PDE8B: variants seen among roughly 807,000 people sequenced by gnomAD.
PDE8B encodes high affinity cAMP-specific and IBMX-insensitive 3',5'-cyclic phosphodiesterase 8B.
Under a neutral mutation model 101.3 loss-of-function variants are expected in PDE8B, and 26 were observed. The ratio of observed to expected loss-of-function variants is 0.26; its 90% CI spans 0.19 to 0.36. The LOEUF is 0.36. PDE8B is among the 10% of genes least tolerant of loss of function. The pLI, the probability that PDE8B is intolerant of heterozygous loss-of-function variation, is 1.00. For synonymous variants in PDE8B, 424 were observed against 429.3 expected (o/e 0.99, Z 0.15); for missense variants, 810 against 1,163.1 (o/e 0.70, Z 4.42).
At chr5:77,147,023 GA>G in the PDE8B span, 1 of 460,174 alleles carries the variant, frequency 2.2e-6, no homozygotes, top group Admixed American at 2.5e-5. Context: ...CTGTGAAGCT[GA>G]AGGAAAAATA....
chr5:77,171,798 G>A, the PDE8B span, among the ~76,000 whole-genome samples: 3 of 152,186 alleles, frequency 2.0e-5, no homozygotes, highest in African/African-American at 7.2e-5. Context: ...CTTCTGGGTT[G>A]CCGCGGAGGG....
At chr5:77,276,807 C>A (rs1267622923) in intron 1 of PDE8B, among the ~76,000 whole-genome samples, 2 of 152,204 alleles carry the variant, frequency 1.3e-5, no homozygotes, top group Non-Finnish European at 2.9e-5. Flanking sequence ...CAGCACATCT[C>A]AGATAGAAGC....
At chr5:77,387,596 T>A (rs544420016) in intron 10 of PDE8B, among the ~76,000 whole-genome samples, 1 of 152,204 alleles carries the variant, frequency 6.6e-6, no homozygotes. Flanking sequence ...GTGTTCTCTG[T>A]AATTCCTGAA....
the PDE8B span, chr5:77,140,483 C>T: frequency 1.3e-5 from 2 of 152,370 alleles, no homozygotes; most frequent in Non-Finnish European, 1.5e-5. Context: ...GTGACATTAG[C>T]CCCTACTTAC....
chr5:77,279,016 C>T (rs13167306), intron 1 of PDE8B, among the ~76,000 whole-genome samples: 55,843 of 151,968 alleles, frequency 0.37, 10,720 homozygotes, highest in South Asian at 0.5. Context: ...TGAATATACA[C>T]CACCTTAGGA....
At chr5:77,385,811 T>TC (rs1788461935) in intron 10 of PDE8B, among the ~76,000 whole-genome samples, 1 of 149,762 alleles carries the variant, frequency 6.7e-6, no homozygotes, top group African/African-American at 2.5e-5. Context: ...TTTTTTTTTT[T>TC]TTTTGAGATG....
intron 1 of PDE8B, among the ~76,000 whole-genome samples, chr5:77,239,798 C>CATTCTTGTAATAACCCAGGCTT (rs1387722106): frequency 2.2e-4 from 33 of 152,220 alleles, no homozygotes; most frequent in African/African-American, 7.5e-4. Flanking sequence ...TCAGAGCTTT[C>CATTCTTGTAATAACCCAGGCTT]ATTCTTGTAA....
At chr5:77,218,194 A>C (rs11953611) in intron 1 of PDE8B, among the ~76,000 whole-genome samples, 49,957 of 152,140 alleles carry the variant, frequency 0.33, 8,904 homozygotes, top group East Asian at 0.81. Flanking sequence ...TTTAAGTTTT[A>C]GTGCATGGTT....
chr5:77,087,617 C>T, the PDE8B span: 1 of 152,168 alleles, frequency 6.6e-6, no homozygotes, highest in African/African-American at 2.4e-5. Flanking sequence ...AGATGATGCT[C>T]AGGTAACGAA....
chr5:77,266,289 G>A (rs1761696730), intron 1 of PDE8B, among the ~76,000 whole-genome samples: 1 of 152,226 alleles, frequency 6.6e-6, no homozygotes, highest in South Asian at 2.1e-4. Context: ...ACAAGGGGAT[G>A]TTCTGCCTTC....
Position 77,325,711 on chromosome 5 carries a change from A to G in PDE8B, c.572A>G (p.Asp191Gly), listed in dbSNP as rs1294724508. Residue 191 changes from aspartate (D) to glycine (G), a missense_variant, in exon 3 of 22, where the codon GAT becomes GGT. Transcript: ENST00000264917. ...VIDHRQTQNF[D>G]AEAVCRSIRA... ...GATCATAGACAAACTCAGAACTTCG[A>G]TGCAGAAGCAGTGTGCAGGTACCTT... 2 of 1,612,196 alleles carry G rather than the reference A, an allele frequency of 1.2e-6. No homozygotes were observed. The highest frequency in any genetic ancestry group is 1.7e-6 in the Non-Finnish European group (2 of 1,178,210).
the PDE8B span, chr5:77,104,885 A>T: frequency 6.6e-6 from 1 of 152,198 alleles, no homozygotes; most frequent in East Asian, 1.9e-4. Flanking sequence ...GTATACAACC[A>T]TGTAAACACC....
chr5:77,413,100 C>G lies in PDE8B; in HGVS notation c.1713-11C>G. On this transcript the variant is annotated splice_polypyrimidine_tract_variant and intron_variant, in intron 16 of 21. Transcript: ENST00000264917. ...ATACAATGAGCCAGGGTGGGTTTTC[C>G]TATTTTTCAGGCCATTGGTTTATCT... is the stretch of plus-strand genomic sequence containing the variant. 8 of 1,612,898 alleles carry G rather than the reference C, an allele frequency of 5.0e-6. No individual in the cohort carries two copies. The highest frequency in any genetic ancestry group is 1.7e-4 in the Middle Eastern group (1 of 5,974).
chr5:77,400,787 G>T (rs1561654995), intron 11 of PDE8B, among the ~76,000 whole-genome samples: 1 of 152,074 alleles, frequency 6.6e-6, no homozygotes, highest in East Asian at 1.9e-4. Flanking sequence ...GACTCTGCTT[G>T]GTTCTTGGCT....
chr5:77,256,034 A>G (rs1420085919), intron 1 of PDE8B, among the ~76,000 whole-genome samples: 1 of 152,116 alleles, frequency 6.6e-6, no homozygotes, highest in African/African-American at 2.4e-5. Context: ...TGGTTGATTT[A>G]TATGGTTTTG....
At chr5:77,268,685 C>T (rs530773623) in intron 1 of PDE8B, among the ~76,000 whole-genome samples, 43 of 152,076 alleles carry the variant, frequency 2.8e-4, no homozygotes, top group Non-Finnish European at 4.0e-4. Context: ...TTGCAAATGA[C>T]AGGCTCTCAT....
At chr5:77,382,404 T>C (rs1455699357) in intron 10 of PDE8B, among the ~76,000 whole-genome samples, 1 of 152,238 alleles carries the variant, frequency 6.6e-6, no homozygotes, top group Non-Finnish European at 1.5e-5. Context: ...AATACGTACA[T>C]CTTAGGCATA....
intron 14 of PDE8B, 149 bp downstream of exon 14, chr5:77,409,206 T>G: frequency 1.4e-6 from 1 of 710,198 alleles, no homozygotes; most frequent in Middle Eastern, 3.6e-4. Flanking sequence ...TCAGAATTTA[T>G]GTATAACATG....
chr5:77,243,783 A>G, intron 1 of PDE8B, among the ~76,000 whole-genome samples: 1 of 152,074 alleles, frequency 6.6e-6, no homozygotes, highest in East Asian at 1.9e-4. Context: ...AATTTTTGCT[A>G]TTATAAGTAA....
Sources: allele counts gnomAD v4.1 joint callset (sites outside exome capture counted in the v4.1 genomes callset), GRCh38; gene constraint gnomAD v4.1.1; transcripts MANE v1.5; gene names NCBI Gene and HGNC (gene_info 2026-07-23, HGNC 2026-07-21).